The following MLKL variants were observed in gnomAD, a reference collection of about 807,000 sequenced individuals.
The protein encoded by MLKL is mixed lineage kinase domain like pseudokinase, also known as mixed lineage kinase domain-like protein.
MLKL carries 55 observed loss-of-function variants against 56.5 expected under a neutral mutation model. That is an observed-to-expected ratio of 0.97 (90% CI 0.78 to 1.22). The LOEUF is 1.22. Ranked by LOEUF, MLKL falls within the 50% of genes most tolerant of loss-of-function variation. The pLI, the probability that MLKL is intolerant of heterozygous loss-of-function variation, is 0.00. For synonymous variants in MLKL, 251 were observed against 208.3 expected (o/e 1.20, Z -1.76); for missense variants, 694 against 573.9 (o/e 1.21, Z -2.14).
chr16:74,674,869 A>G, intron 10 of MLKL, 91 bp downstream of exon 10: 1 of 1,488,764 alleles, frequency 6.7e-7, no homozygotes, highest in African/African-American at 1.4e-5. Flanking sequence ...CCTCGTTGTA[A>G]ACTACTGCCT....
intron 4 of MLKL, 59 bp downstream of exon 4, chr16:74,691,218 T>C: frequency 6.7e-7 from 1 of 1,485,738 alleles, no homozygotes; most frequent in Admixed American, 2.1e-5. Flanking sequence ...TATCCCTCTC[T>C]CCTTGGAGAG....
At chr16:74,698,387 G>C (rs1449472031) in intron 1 of MLKL, among the ~76,000 whole-genome samples, 1 of 152,086 alleles carries the variant, frequency 6.6e-6, no homozygotes, top group Non-Finnish European at 1.5e-5. Flanking sequence ...CATGAGTAAG[G>C]CACTGGCAGA....
chr16:74,684,648 C>T (rs529907995), intron 5 of MLKL, among the ~76,000 whole-genome samples: 1 of 151,342 alleles, frequency 6.6e-6, no homozygotes, highest in South Asian at 2.1e-4. Flanking sequence ...GCATGTGCCA[C>T]CACATCCGGC....
chr16:74,692,847 T>C (rs962226715), intron 2 of MLKL, among the ~76,000 whole-genome samples: 2 of 152,252 alleles, frequency 1.3e-5, no homozygotes, highest in African/African-American at 2.4e-5. Flanking sequence ...CACTGAGTTG[T>C]TGTTTTTTAA....
chr16:74,672,327 T>C lies in MLKL; in HGVS notation c.*177A>G. On this transcript the variant is annotated 3_prime_UTR_variant, in exon 11 of 11. Transcript: ENST00000308807. ...CAGAGGTATGTTTTTGGAAATATCA[T>C]TTGGAGTGGGATGTGTCCTGTATGA... 1.8e-6 allele frequency: 1 copy of C among 553,442 alleles called. No individual in the cohort carries two copies. The highest frequency in any genetic ancestry group is 3.3e-6 in the Non-Finnish European group (1 of 304,980). 34.3% of individuals were successfully genotyped at this position (553,442 alleles called of 1,614,324 possible).
chr16:74,673,971 A>C (rs1241338261), intron 10 of MLKL, among the ~76,000 whole-genome samples: 2 of 148,550 alleles, frequency 1.3e-5, no homozygotes, highest in Non-Finnish European at 3.0e-5. Flanking sequence ...AAAAAAAAAA[A>C]ACCATAAATA....
intron 6 of MLKL, 109 bp from the exon 7 acceptor site, chr16:74,679,089 C>A (rs148805824): frequency 1.0e-5 from 8 of 803,082 alleles, no homozygotes; most frequent in South Asian, 7.7e-5. Flanking sequence ...GGGTGCCTGT[C>A]CACAGTTACA....
intron 5 of MLKL, among the ~76,000 whole-genome samples, chr16:74,684,449 A>C (rs1323470121): frequency 6.6e-6 from 1 of 150,490 alleles, no homozygotes; most frequent in Non-Finnish European, 1.5e-5. Flanking sequence ...AAAAAAAAAA[A>C]AGAGCCTGTC....
intron 4 of MLKL, among the ~76,000 whole-genome samples, chr16:74,690,491 G>GA (rs908970365): frequency 5.3e-5 from 8 of 150,810 alleles, no homozygotes; most frequent in African/African-American, 7.3e-5. Flanking sequence ...TCCATCACTG[G>GA]AAAAAAAAAG....
chr16:74,686,932 C>T (rs1422562261), intron 4 of MLKL, among the ~76,000 whole-genome samples: 1 of 152,030 alleles, frequency 6.6e-6, no homozygotes, highest in Non-Finnish European at 1.5e-5. Context: ...CAAGTCTCAC[C>T]CTGAAAATTT....
chr16:74,672,388 C>T lies in MLKL; in HGVS notation c.*116G>A. ...TTTCTATTTGTAACAGAGAAGCGTG[C>T]CCACTCCTTGCACCCATAGATAACC... is the stretch of plus-strand genomic sequence containing the variant. On this transcript the variant is annotated 3_prime_UTR_variant, in exon 11 of 11. Coordinates refer to ENST00000308807, the MANE Select transcript of MLKL (RefSeq NM_152649.4). 4.5e-6 allele frequency: 4 copies of T among 886,032 alleles called. No homozygotes were observed. The highest frequency in any genetic ancestry group is 7.3e-6 in the Non-Finnish European group (4 of 548,570). 54.9% of individuals were successfully genotyped at this position (886,032 alleles called of 1,614,324 possible). A position where few individuals can be genotyped will look rare whatever the true frequency, so the allele number is the denominator to read the frequency against.
chr16:74,691,726 A>T (rs1248527729), intron 3 of MLKL, among the ~76,000 whole-genome samples: 1 of 152,120 alleles, frequency 6.6e-6, no homozygotes, highest in African/African-American at 2.4e-5. Context: ...CTGTCCCTCC[A>T]GCCTTAACCC....
intron 2 of MLKL, among the ~76,000 whole-genome samples, chr16:74,693,724 C>A (rs1376790386): frequency 6.6e-6 from 1 of 151,844 alleles, no homozygotes; most frequent in African/African-American, 2.4e-5. Flanking sequence ...CCGCCTCAGC[C>A]TCCCGAGTAG....
chr16:74,691,736 C>T (rs1039209110), intron 3 of MLKL, among the ~76,000 whole-genome samples: 1 of 152,174 alleles, frequency 6.6e-6, no homozygotes, highest in African/African-American at 2.4e-5. Flanking sequence ...AGCCTTAACC[C>T]TCATCCAGAC....
At chr16:74,674,445 G>A (rs566034835) in intron 10 of MLKL, among the ~76,000 whole-genome samples, 46 of 151,370 alleles carry the variant, frequency 3.0e-4, no homozygotes, top group Non-Finnish European at 5.3e-4. Context: ...GAGCCACCGC[G>A]CCTGGCCAAC....
intron 5 of MLKL, 147 bp downstream of exon 5, chr16:74,685,338 AT>A: frequency 3.1e-6 from 2 of 650,894 alleles, no homozygotes; most frequent in East Asian, 5.5e-5. Flanking sequence ...GCATCTTGGG[AT>A]GAAAAAAAAA....
rs373622678 is a variant in MLKL, at chr16:74,693,477, A to AAAAG, written c.461-1065_461-1062dup. Among the ~76,000 whole-genome samples the AAAAG allele has an allele frequency of 6.0e-3, 742 of 124,606 alleles. 5 individuals are homozygous for AAAAG. The highest frequency in any genetic ancestry group is 8.8e-3 in the Middle Eastern group (2 of 226). 81.7% of individuals were successfully genotyped at this position (124,606 alleles called of 152,430 possible). On this transcript the variant is annotated intron_variant, in intron 2 of 10. Coordinates refer to ENST00000308807, the MANE Select transcript of MLKL (RefSeq NM_152649.4). Reference sequence around the variant, plus strand: ...TCAAAAAAAAAAAAAAAGAAAAGAAAAAAGAAAGAAAGAAAGAAAGAAAAG... The same window carrying AAAAG: ...TCAAAAAAAAAAAAAAAGAAAAGAAAAAAGAAAGAAAGAAAGAAAGAAAGAAAAG...
intron 5 of MLKL, among the ~76,000 whole-genome samples, chr16:74,683,436 A>T (rs1260506936): frequency 6.6e-6 from 1 of 151,816 alleles, no homozygotes; most frequent in Non-Finnish European, 1.5e-5. Flanking sequence ...TCTCTATGAA[A>T]AATGCAAAAA....
intron 2 of MLKL, among the ~76,000 whole-genome samples, chr16:74,694,503 G>T (rs563121057): frequency 6.6e-6 from 1 of 151,984 alleles, no homozygotes; most frequent in East Asian, 2.0e-4. Context: ...CCTCCTAGGT[G>T]CCTGTAATCC....
Sources: gnomAD v4.1 joint callset for allele counts (sites outside exome capture counted in the v4.1 genomes callset) on GRCh38, gnomAD v4.1.1 for gene constraint, MANE v1.5 for transcripts, NCBI Gene and HGNC (gene_info 2026-07-23, HGNC 2026-07-21) for gene names.